The following TEX36 variants were observed in gnomAD, a reference collection of about 807,000 sequenced individuals.
TEX36 encodes the protein testis expressed 36, also known as testis-expressed protein 36.
A neutral mutation model predicts 13.6 loss-of-function variants in TEX36; 12 were observed. The ratio of observed to expected loss-of-function variants is 0.88; its 90% CI spans 0.56 to 1.43. The LOEUF (loss-of-function observed/expected upper bound fraction) is 1.43, where lower values mean the gene tolerates loss of function less well. TEX36 is among the 40% of genes most tolerant of loss of function. The probability of loss-of-function intolerance (pLI) is 0.00; values close to 1 mark genes in which losing one functional copy is unlikely to be tolerated. For missense variants in TEX36, 224 were observed against 228.3 expected, an observed-to-expected ratio of 0.98 and a Z score of 0.12; for synonymous variants, 93 against 83.0, an observed-to-expected ratio of 1.12 and a Z score of -0.65.
At chr10:125,649,758 AG>A (rs1846825169) in intron 3 of TEX36, among the ~76,000 whole-genome samples, 1 of 152,220 alleles carries the variant, frequency 6.6e-6, no homozygotes, top group Admixed American at 6.5e-5. Context: ...ACATATCTCA[AG>A]TGCAGAAACA....
chr10:125,622,104 G>A (rs1589758942), intron 3 of TEX36, among the ~76,000 whole-genome samples: 1 of 152,048 alleles, frequency 6.6e-6, no homozygotes, highest in Admixed American at 6.6e-5. Flanking sequence ...ACCATCACAA[G>A]TCTACCCATT....
intron 3 of TEX36, among the ~76,000 whole-genome samples, chr10:125,637,220 G>C (rs1846633420): frequency 6.6e-6 from 1 of 150,978 alleles, no homozygotes; most frequent in African/African-American, 2.4e-5. Context: ...GAGGTGGGAG[G>C]ATCACCTGAG....
chr10:125,615,457 A>G (rs1028167365), intron 3 of TEX36, among the ~76,000 whole-genome samples: 1 of 152,104 alleles, frequency 6.6e-6, no homozygotes, highest in African/African-American at 2.4e-5. Context: ...GATACATCCC[A>G]TCAATACCTA....
chr10:125,643,498 C>T (rs541065478), intron 3 of TEX36, among the ~76,000 whole-genome samples: 55 of 152,254 alleles, frequency 3.6e-4, no homozygotes, highest in African/African-American at 1.3e-3. Flanking sequence ...AATCCCCGCA[C>T]TTTGGGAGGC....
At chr10:125,659,160 A>T (rs1272455956) in intron 3 of TEX36, among the ~76,000 whole-genome samples, 2 of 152,218 alleles carry the variant, frequency 1.3e-5, no homozygotes. Flanking sequence ...GTTATTTCAT[A>T]GGCAAATTCT....
At chr10:125,678,778 G>A (rs1249521225) in intron 1 of TEX36, among the ~76,000 whole-genome samples, 1 of 152,154 alleles carries the variant, frequency 6.6e-6, no homozygotes, top group East Asian at 1.9e-4. Context: ...TGGGAGGAGT[G>A]TACTCAAGGT....
At chr10:125,629,773 C>T (rs1846529600) in intron 3 of TEX36, among the ~76,000 whole-genome samples, 1 of 152,162 alleles carries the variant, frequency 6.6e-6, no homozygotes, top group Admixed American at 6.5e-5. Context: ...TATCCATCAC[C>T]ATGATCAATA....
chr10:125,627,785 G>A (rs1846505637), intron 3 of TEX36, among the ~76,000 whole-genome samples: 1 of 152,198 alleles, frequency 6.6e-6, no homozygotes, highest in Non-Finnish European at 1.5e-5. Flanking sequence ...GGACACCAAG[G>A]GATAAAACAG....
chr10:125,602,158 G>A (rs1358459001), intron 3 of TEX36, among the ~76,000 whole-genome samples: 1 of 152,172 alleles, frequency 6.6e-6, no homozygotes, highest in Non-Finnish European at 1.5e-5. Context: ...GAGTATCCTG[G>A]GGAGAAGGAG....
intron 3 of TEX36, among the ~76,000 whole-genome samples, chr10:125,656,414 G>C (rs977808870): frequency 6.6e-6 from 1 of 151,666 alleles, no homozygotes; most frequent in Non-Finnish European, 1.5e-5. Context: ...ACCCCACCAC[G>C]CCTGGCTAAG....
At chr10:125,603,699 G>A (rs1846178465) in intron 3 of TEX36, among the ~76,000 whole-genome samples, 1 of 152,170 alleles carries the variant, frequency 6.6e-6, no homozygotes, top group Non-Finnish European at 1.5e-5. Flanking sequence ...ACAGTGCCAG[G>A]CGTCAAAAGG....
intron 3 of TEX36, among the ~76,000 whole-genome samples, chr10:125,595,648 A>G (rs982952493): frequency 6.6e-6 from 1 of 151,780 alleles, no homozygotes; most frequent in Admixed American, 6.6e-5. Flanking sequence ...CAGGCTGAGC[A>G]CTCCTGCCTC....
intron 3 of TEX36, among the ~76,000 whole-genome samples, chr10:125,607,098 T>A (rs1198714570): frequency 1.3e-5 from 2 of 152,204 alleles, no homozygotes; most frequent in Non-Finnish European, 2.9e-5. Context: ...CTAGATCACT[T>A]GGGTGCTGCA....
At chr10:125,614,811 C>A (rs1227461742) in intron 3 of TEX36, among the ~76,000 whole-genome samples, 1 of 152,132 alleles carries the variant, frequency 6.6e-6, no homozygotes, top group African/African-American at 2.4e-5. Context: ...TTTTCCAATT[C>A]TGTGAAGAAA....
chr10:125,682,962 G>A lies in TEX36; in HGVS notation c.28C>T (p.Pro10Ser), dbSNP rs1476914431. ...ACCCATCTCCCATCCTTGTCTGAAG[G>A]TGGGTTGAAGCGTCGCCCTTTGGTC... The part of the protein sequence containing the change: MTKGRRFNP[P>S]SDKDGRWFPH... The change falls in exon 1 of 4, where the codon CCT becomes TCT. Residue 10 changes from proline (P) to serine (S), a missense_variant. Pro to Ser is a moderately conservative substitution (Grantham distance 74). Coordinates refer to ENST00000368821, the MANE Select transcript of TEX36 (RefSeq NM_001128202.3). 2 of 1,551,620 alleles carry A rather than the reference G, an allele frequency of 1.3e-6. No homozygotes were observed. Among genetic ancestry groups the A allele is most frequent in the East Asian group, 4.9e-5 (2 of 40,934 alleles).
intron 3 of TEX36, among the ~76,000 whole-genome samples, chr10:125,631,225 G>A (rs142469137): frequency 1.1e-3 from 169 of 152,332 alleles, no homozygotes; most frequent in Non-Finnish European, 1.9e-3. Flanking sequence ...AACATTGACT[G>A]CTGCCTATAA....
At chr10:125,588,328 T>C (rs1845982476) in intron 3 of TEX36, among the ~76,000 whole-genome samples, 2 of 152,194 alleles carry the variant, frequency 1.3e-5, no homozygotes, top group African/African-American at 4.8e-5. Context: ...AGTGTAGTTG[T>C]CATTTGATTT....
At chr10:125,668,094 G>A (rs1057360120) in intron 1 of TEX36, 2 of 591,140 alleles carry the variant, frequency 3.4e-6, no homozygotes, top group African/African-American at 3.8e-5. Context: ...GAGTGTGGTT[G>A]GGGCACCTCT....
chr10:125,625,772 C>T (rs1194032382), intron 3 of TEX36, among the ~76,000 whole-genome samples: 11 of 152,246 alleles, frequency 7.2e-5, no homozygotes, highest in Non-Finnish European at 1.6e-4. Flanking sequence ...AGTCTTGGCA[C>T]CTGACCCAGT....
Sources: allele counts gnomAD v4.1 joint callset (sites outside exome capture counted in the v4.1 genomes callset), GRCh38; gene constraint gnomAD v4.1.1; transcripts MANE v1.5; gene names NCBI Gene and HGNC (gene_info 2026-07-23, HGNC 2026-07-21).